The following FBXO16 variants were observed in gnomAD, a reference collection of about 807,000 sequenced individuals.
The protein encoded by FBXO16 is F-box only protein 16.
Under a neutral mutation model 41.0 loss-of-function variants are expected in FBXO16, and 31 were observed. The observed-to-expected ratio is 0.76, with a 90% CI of 0.57 to 1.02. FBXO16 has a LOEUF of 1.02. FBXO16 is among the 50% of genes least tolerant of loss of function. The probability of loss-of-function intolerance (pLI) is 0.00; values close to 1 mark genes in which losing one functional copy is unlikely to be tolerated. For missense variants in FBXO16, 361 were observed against 346.2 expected (o/e 1.04, Z -0.34); for synonymous variants, 133 against 117.8 (o/e 1.13, Z -0.84).
chr8:28,481,351 C>G (rs1245433662), intron 2 of FBXO16, among the ~76,000 whole-genome samples: 4 of 152,094 alleles, frequency 2.6e-5, no homozygotes, highest in Non-Finnish European at 5.9e-5. Flanking sequence ...GAGAATGGAG[C>G]TGGAAGTAGA....
chr8:28,461,110 C>T (rs1162956105), intron 4 of FBXO16, among the ~76,000 whole-genome samples: 3 of 147,112 alleles, frequency 2.0e-5, no homozygotes, highest in Non-Finnish European at 4.5e-5. Context: ...TTACCAATGA[C>T]GCGTCGTGGA....
intron 1 of FBXO16, among the ~76,000 whole-genome samples, chr8:28,488,041 T>C (rs1030445874): frequency 1.3e-5 from 2 of 151,500 alleles, no homozygotes; most frequent in Non-Finnish European, 2.9e-5. Flanking sequence ...TTAGTAGAGA[T>C]GGGGTTTCAC....
At chr8:28,467,497 G>C (rs943359199) in intron 3 of FBXO16, among the ~76,000 whole-genome samples, 1 of 152,198 alleles carries the variant, frequency 6.6e-6, no homozygotes, top group Non-Finnish European at 1.5e-5. Flanking sequence ...ATTCCTAATA[G>C]AGTGCATGAC....
At chr8:28,438,002 C>T (rs1802710512) in intron 7 of FBXO16, among the ~76,000 whole-genome samples, 1 of 152,202 alleles carries the variant, frequency 6.6e-6, no homozygotes. Flanking sequence ...ATTGATGCAA[C>T]TGTTTCTTAC....
At chr8:28,466,163 C>A (rs538888020) in intron 3 of FBXO16, among the ~76,000 whole-genome samples, 7 of 151,976 alleles carry the variant, frequency 4.6e-5, no homozygotes, top group Non-Finnish European at 1.0e-4. Context: ...CGCTTGAACC[C>A]AGGAGGCGGA....
At chr8:28,441,012 A>C (rs1328340750) in intron 7 of FBXO16, among the ~76,000 whole-genome samples, 1 of 152,118 alleles carries the variant, frequency 6.6e-6, no homozygotes, top group Non-Finnish European at 1.5e-5. Flanking sequence ...TGTCCTAAGG[A>C]GTGTTCATTT....
At chr8:28,484,227 G>A (rs1014867535) in intron 1 of FBXO16, among the ~76,000 whole-genome samples, 2 of 152,132 alleles carry the variant, frequency 1.3e-5, no homozygotes, top group East Asian at 3.8e-4. Flanking sequence ...CTTCATTCTT[G>A]TCCCTTGTTA....
chr8:28,466,726 A>G (rs1803249023), intron 3 of FBXO16, among the ~76,000 whole-genome samples: 1 of 152,066 alleles, frequency 6.6e-6, no homozygotes, highest in South Asian at 2.1e-4. Flanking sequence ...AAGAGCCAAA[A>G]GGAAGGTGAG....
At chr8:28,487,562 T>C (rs767490152) in intron 1 of FBXO16, among the ~76,000 whole-genome samples, 6 of 151,740 alleles carry the variant, frequency 4.0e-5, no homozygotes, top group Non-Finnish European at 7.4e-5. Context: ...CCTGGGTAAT[T>C]TTTGTATTTT....
intron 4 of FBXO16, among the ~76,000 whole-genome samples, chr8:28,460,981 A>T (rs1028204376): frequency 4.6e-5 from 7 of 152,030 alleles, no homozygotes; most frequent in African/African-American, 1.7e-4. Context: ...AGCAATTGCC[A>T]GCCATGGCCT....
At chr8:28,466,192 C>T (rs1460120184) in intron 3 of FBXO16, among the ~76,000 whole-genome samples, 3 of 152,004 alleles carry the variant, frequency 2.0e-5, no homozygotes, top group Admixed American at 6.6e-5. Context: ...AGTGCTATTG[C>T]ACTCCAGCCT....
At chr8:28,490,141 AAG>A (rs1174650353) in intron 1 of FBXO16, 43 bp downstream of exon 1, 1 of 152,142 alleles carries the variant, frequency 6.6e-6, no homozygotes, top group Non-Finnish European at 1.5e-5. Flanking sequence ...GAGCTTTCCA[AAG>A]AGAGAGTCTC....
At chr8:28,455,077 A>G (rs1207014749) in intron 5 of FBXO16, among the ~76,000 whole-genome samples, 1 of 137,932 alleles carries the variant, frequency 7.2e-6, no homozygotes, top group Admixed American at 7.8e-5. Context: ...CATGAATTAC[A>G]TTGATTTTTT....
intron 1 of FBXO16, among the ~76,000 whole-genome samples, chr8:28,486,607 G>A (rs1373273578): frequency 6.6e-6 from 1 of 151,900 alleles, no homozygotes; most frequent in African/African-American, 2.4e-5. Flanking sequence ...GACTGCTTGA[G>A]CCCAGGAATC....
intron 2 of FBXO16, among the ~76,000 whole-genome samples, chr8:28,480,113 G>A (rs1417364250): frequency 6.6e-6 from 1 of 151,926 alleles, no homozygotes; most frequent in South Asian, 2.1e-4. Flanking sequence ...CTCTTTCTCT[G>A]CCTTTCCTTT....
intron 5 of FBXO16, 176 bp downstream of exon 5, chr8:28,456,590 A>G: frequency 1.3e-6 from 1 of 741,870 alleles, no homozygotes; most frequent in South Asian, 2.1e-5. Flanking sequence ...CTCTCAACTA[A>G]CATGAATGTC....
At chr8:28,448,157 T>C (rs1165823828) in intron 6 of FBXO16, among the ~76,000 whole-genome samples, 1 of 151,636 alleles carries the variant, frequency 6.6e-6, no homozygotes, top group East Asian at 1.9e-4. Flanking sequence ...CTGGGCAACA[T>C]GGTGAGACCC....
At chr8:28,441,773 T>C (rs1417411249) in intron 7 of FBXO16, among the ~76,000 whole-genome samples, 1 of 149,808 alleles carries the variant, frequency 6.7e-6, no homozygotes, top group Non-Finnish European at 1.5e-5. Context: ...ATATTGTATG[T>C]CTTTACACAA....
chr8:28,432,873 A>C (rs891257464), intron 7 of FBXO16, among the ~76,000 whole-genome samples: 2 of 152,102 alleles, frequency 1.3e-5, no homozygotes, highest in South Asian at 4.1e-4. Flanking sequence ...CCTAGCAAAC[A>C]TGGTGAAACC....
Sources: gnomAD v4.1 joint callset for allele counts (sites outside exome capture counted in the v4.1 genomes callset) on GRCh38, gnomAD v4.1.1 for gene constraint, MANE v1.5 for transcripts, NCBI Gene and HGNC (gene_info 2026-07-23, HGNC 2026-07-21) for gene names.